The following SCIMP variants were observed in gnomAD, a reference collection of about 807,000 sequenced individuals.
The protein encoded by SCIMP is SLP adapter and CSK-interacting membrane protein.
Under a neutral mutation model 22.0 loss-of-function variants are expected in SCIMP, and 18 were observed. The observed-to-expected ratio is 0.82, with a 90% confidence interval of 0.56 to 1.21. SCIMP has a LOEUF of 1.21. SCIMP is among the 50% of genes most tolerant of loss of function. The probability of loss-of-function intolerance (pLI) is 0.00; values close to 1 mark genes in which losing one functional copy is unlikely to be tolerated. For missense variants in SCIMP, 155 were observed against 171.2 expected (o/e 0.91, Z 0.53); for synonymous variants, 53 against 62.2 (o/e 0.85, Z 0.70).
chr17:5,215,279 G>T (rs777961662), intron 3 of SCIMP: 2 of 321,396 alleles, frequency 6.2e-6, no homozygotes, highest in Non-Finnish European at 1.2e-5. Context: ...GTTCACCTGA[G>T]CTGGATTCGG....
In SCIMP at chr17:5,234,476, G is replaced by A. The variant is rs556474962; in HGVS notation, c.21+259C>T. The stretch of plus-strand genomic sequence containing the variant: ...AATCCAAGAGGTAGACTTCTTCATC[G>A]CCCCTGACATACACATGAGGAAAAG... On this transcript the variant is annotated intron_variant, in intron 1 of 4. Transcript: ENST00000574081. 32 of 531,400 alleles carry A rather than the reference G, an allele frequency of 6.0e-5. 1 individual carries two copies. The highest frequency in any genetic ancestry group is 5.0e-4 in the Middle Eastern group (1 of 2,018). 32.9% of individuals were successfully genotyped at this position (531,400 alleles called of 1,614,324 possible).
chr17:5,234,659 G>C, intron 1 of SCIMP, 76 bp downstream of exon 1: 1 of 1,496,814 alleles, frequency 6.7e-7, no homozygotes, highest in Admixed American at 1.8e-5. Flanking sequence ...CCAGGGACAC[G>C]CCCTGATGCC....
chr17:5,223,565 C>T lies in SCIMP; in HGVS notation c.22-109G>A, dbSNP rs113968143. ...GTTGTTTTTTTTTTCTTTTCTGAGTCGGAGTCTCACTCTGTCGCCCAGGCT... is the reference window on the plus strand; with the variant it reads ...GTTGTTTTTTTTTTCTTTTCTGAGTTGGAGTCTCACTCTGTCGCCCAGGCT... On this transcript the variant is annotated intron_variant, in intron 1 of 4. Transcript: ENST00000574081. The T allele has an allele frequency of 3.6e-3, 3,915 of 1,078,918 alleles. 88 individuals carry two copies. The African/African-American group carries it at 0.053, about 15-fold the overall frequency. 66.8% of individuals were successfully genotyped at this position (1,078,918 alleles called of 1,614,324 possible). A position where few individuals can be genotyped will look rare whatever the true frequency, so the allele number is the denominator to read the frequency against.
At chr17:5,234,175 G>T (rs1328655039) in intron 1 of SCIMP, among the ~76,000 whole-genome samples, 1 of 152,162 alleles carries the variant, frequency 6.6e-6, no homozygotes, top group African/African-American at 2.4e-5. Context: ...GGAGGCTGAG[G>T]CAGGAGAATC....
intron 4 of SCIMP, chr17:5,213,078 A>G (rs2074538440): frequency 5.3e-6 from 5 of 938,006 alleles, no homozygotes; most frequent in South Asian, 4.9e-5. Context: ...GAGCTTAAGG[A>G]AGAACATTCC....
At chr17:5,215,073 A>G (rs2074556380) in intron 3 of SCIMP, 75 bp from the exon 4 acceptor site, 3 of 920,494 alleles carry the variant, frequency 3.3e-6, no homozygotes, top group South Asian at 1.3e-5. Flanking sequence ...AAGAGAAAAC[A>G]TCAAGGAAAG....
At chr17:5,211,001 T>C (rs758464510) in intron 4 of SCIMP, 46 bp from the exon 5 acceptor site, 20 of 1,565,014 alleles carry the variant, frequency 1.3e-5, no homozygotes, top group Non-Finnish European at 1.6e-5. Flanking sequence ...GTCATGTGTT[T>C]TTATATTTTT....
intron 3 of SCIMP, among the ~76,000 whole-genome samples, chr17:5,215,995 A>C (rs904517910): frequency 1.3e-5 from 2 of 151,754 alleles, no homozygotes; most frequent in Non-Finnish European, 2.9e-5. Context: ...TTTAAGGGTA[A>C]TATAGGGAGA....
chr17:5,219,024 A>C (rs1006504142), intron 3 of SCIMP, among the ~76,000 whole-genome samples: 1 of 152,120 alleles, frequency 6.6e-6, no homozygotes, highest in Non-Finnish European at 1.5e-5. Context: ...ATTCTTCCTA[A>C]TAAGAGTGTC....
chr17:5,227,881 A>G (rs991823745), intron 1 of SCIMP, among the ~76,000 whole-genome samples: 11 of 152,078 alleles, frequency 7.2e-5, no homozygotes, highest in Admixed American at 4.6e-4. Flanking sequence ...TGCAATATGT[A>G]TATGTGAAAT....
intron 3 of SCIMP, among the ~76,000 whole-genome samples, chr17:5,217,380 T>TTGTGTGTGTG (rs10554192): frequency 1.3e-5 from 2 of 148,944 alleles, no homozygotes; most frequent in African/African-American, 5.0e-5. Flanking sequence ...TTTTGTTTGC[T>TTGTGTGTGTG]TGTGTGTGTG....
chr17:5,214,895 A>G, intron 4 of SCIMP, 30 bp downstream of exon 4: 2 of 1,182,722 alleles, frequency 1.7e-6, no homozygotes, highest in Non-Finnish European at 2.5e-6. Context: ...CTTACCCTAA[A>G]TGAAACTGCT....
intron 2 of SCIMP, among the ~76,000 whole-genome samples, chr17:5,222,956 C>T (rs1032169517): frequency 6.6e-6 from 1 of 152,198 alleles, no homozygotes; most frequent in African/African-American, 2.4e-5. Context: ...TGAGCCACCA[C>T]GCCCAGCCGA....
intron 1 of SCIMP, among the ~76,000 whole-genome samples, chr17:5,231,858 T>G (rs1419830651): frequency 6.6e-6 from 1 of 152,114 alleles, no homozygotes; most frequent in Non-Finnish European, 1.5e-5. Flanking sequence ...ATCAAGACCA[T>G]CCTGGCTAAC....
intron 4 of SCIMP, among the ~76,000 whole-genome samples, chr17:5,211,637 C>A (rs966153381): frequency 1.3e-5 from 2 of 152,162 alleles, no homozygotes; most frequent in Non-Finnish European, 2.9e-5. Flanking sequence ...ATCATATTTC[C>A]TTTTTGGCAC....
At chr17:5,216,633 TCCAG>T (rs1172043383) in intron 3 of SCIMP, among the ~76,000 whole-genome samples, 1 of 151,784 alleles carries the variant, frequency 6.6e-6, no homozygotes, top group Admixed American at 6.6e-5. Context: ...GCCACTGCAC[TCCAG>T]CCTGGGCAAC....
intron 2 of SCIMP, among the ~76,000 whole-genome samples, 180 bp downstream of exon 2, chr17:5,223,153 A>G (rs1159833849): frequency 6.6e-6 from 1 of 152,062 alleles, no homozygotes; most frequent in African/African-American, 2.4e-5. Flanking sequence ...GGATGAGGAA[A>G]CTGAGGCCTA....
intron 1 of SCIMP, among the ~76,000 whole-genome samples, chr17:5,227,989 A>G (rs962199539): frequency 2.0e-5 from 3 of 152,120 alleles, no homozygotes; most frequent in African/African-American, 7.2e-5. Flanking sequence ...CCTGGCCAAC[A>G]TGGTGAAACC....
intron 1 of SCIMP, among the ~76,000 whole-genome samples, chr17:5,225,848 G>C (rs1372429235): frequency 1.3e-5 from 2 of 152,126 alleles, no homozygotes; most frequent in Non-Finnish European, 2.9e-5. Flanking sequence ...CAGAGGCCCG[G>C]ACTTGCGACT....
Sources: gnomAD v4.1 joint callset for allele counts (sites outside exome capture counted in the v4.1 genomes callset) on GRCh38, gnomAD v4.1.1 for gene constraint, MANE v1.5 for transcripts, NCBI Gene and HGNC (gene_info 2026-07-23, HGNC 2026-07-21) for gene names.